The following PPP1R21 variants were observed in gnomAD, a reference collection of about 807,000 sequenced individuals.
PPP1R21 encodes the protein KLRAQ motif containing 1.
In PPP1R21, 85 loss-of-function variants were observed where a neutral mutation model predicts 112.8. The ratio of observed to expected loss-of-function variants is 0.75; its 90% confidence interval spans 0.63 to 0.90. The LOEUF (loss-of-function observed/expected upper bound fraction) is 0.90, where lower values mean the gene tolerates loss of function less well. Ranked by LOEUF, PPP1R21 falls within the 40% of genes least tolerant of loss-of-function variation. The pLI is 0.00. For synonymous variants in PPP1R21, 381 were observed against 322.3 expected (o/e 1.18, Z -1.95); for missense variants, 1,199 against 901.5 (o/e 1.33, Z -4.23).
rs527860389 is a variant in PPP1R21 at position 48,443,259 on chromosome 2, A to G, written c.57+2249A>G. ...TCTGAGGTGAGGGAACATGACTGCC[A>G]CTGACACAATGAGGGCCAGCGGGAA... On this transcript the variant is annotated intron_variant, in intron 1 of 21. Transcript: ENST00000294952. Among the ~76,000 whole-genome samples the G allele has an allele frequency of 5.9e-5, 9 of 152,326 alleles. No individual in the cohort carries two copies. In the South Asian group the frequency reaches 1.7e-3, roughly 28 times the overall value.
At chr2:48,489,205 TA>T (rs1468325100) in intron 14 of PPP1R21, among the ~76,000 whole-genome samples, 2 of 152,180 alleles carry the variant, frequency 1.3e-5, no homozygotes, top group Non-Finnish European at 2.9e-5. Flanking sequence ...CTTTTCTGGC[TA>T]AAGCATTTAG....
At chr2:48,477,418 A>G (rs1668807818) in intron 12 of PPP1R21, among the ~76,000 whole-genome samples, 1 of 151,988 alleles carries the variant, frequency 6.6e-6, no homozygotes, top group Non-Finnish European at 1.5e-5. Context: ...ACCACACCCA[A>G]CCTCATTTTA....
intron 2 of PPP1R21, 115 bp from the exon 3 acceptor site, chr2:48,454,480 T>G: frequency 7.6e-7 from 1 of 1,311,862 alleles, no homozygotes; most frequent in East Asian, 2.5e-5. Context: ...ACAACCTGAA[T>G]TTCCTAAAGC....
Position 48,498,633 on chromosome 2 carries a change from G to A in PPP1R21, c.1833G>A (p.Gln611=). 1 of 1,614,264 alleles carries A rather than the reference G, an allele frequency of 6.2e-7. No individual in the cohort carries two copies. The highest frequency in any genetic ancestry group is 8.5e-7 in the Non-Finnish European group (1 of 1,180,042). The change falls in exon 17 of 22, where the codon CAG becomes CAA. Residue 611 remains glutamine, a synonymous_variant. Transcript: ENST00000294952. ...ADKLKNTGSA[Q]LVGLAQENAA... Reference sequence around the variant, plus strand: ...AGCTGAAGAATACAGGTAGTGCCCAGCTGGTTGGGCTGGCCCAGGAAAATG... The same window carrying A: ...AGCTGAAGAATACAGGTAGTGCCCAACTGGTTGGGCTGGCCCAGGAAAATG...
chr2:48,500,643 G>C (rs1670067663), intron 17 of PPP1R21, among the ~76,000 whole-genome samples: 1 of 152,168 alleles, frequency 6.6e-6, no homozygotes, highest in Non-Finnish European at 1.5e-5. Context: ...TGGGTGCGTG[G>C]CTTATGCCTG....
Position 48,471,323 on chromosome 2 carries a change from C to T in PPP1R21, c.1044C>T (p.Ser348=), listed in dbSNP as rs758579250. ...AAACTTTTTCAGAACACTTAACCTC[C>T]TACATATGTTTTCTTAGGAAGATTC... ...KLKTFSEHLT[S]YICFLRKILP... Residue 348 remains serine (S), a synonymous_variant, in exon 11 of 22, where the codon TCC becomes TCT. Transcript: ENST00000294952. The T allele has an allele frequency of 7.5e-6, 12 of 1,610,598 alleles. No individual in the cohort carries two copies. Among genetic ancestry groups the T allele is most frequent in the Non-Finnish European group, 9.3e-6 (11 of 1,178,976 alleles).
intron 1 of PPP1R21, among the ~76,000 whole-genome samples, chr2:48,449,344 A>G (rs901746334): frequency 2.0e-5 from 3 of 152,220 alleles, no homozygotes; most frequent in Admixed American, 2.0e-4. Flanking sequence ...GAATTTACCC[A>G]TTCTATAGAC....
In PPP1R21 at chr2:48,495,733, C is replaced by G. The variant is rs1370598755; in HGVS notation, c.1654C>G (p.Leu552Val). Residue 552 changes from leucine to valine, a missense_variant, in exon 16 of 22, where the codon CTC becomes GTC. Leu to Val is a conservative substitution (Grantham distance 32). Transcript: ENST00000294952. Reference protein sequence around the residue: ...EEALANRRILLSSTESREGLA... With the variant: ...EEALANRRILVSSTESREGLA... ...AGCACTGGCAAACCGCCGCATCCTT[C>G]TCAGCTCTACTGAAAGTCGAGAAGG... 6 of 1,611,952 alleles carry G rather than the reference C, an allele frequency of 3.7e-6. No individual in the cohort carries two copies. The highest frequency in any genetic ancestry group is 5.1e-6 in the Non-Finnish European group (6 of 1,178,094).
Position 48,474,810 on chromosome 2 carries a change from G to A in PPP1R21, c.1216G>A (p.Ala406Thr). 6.2e-7 allele frequency: 1 copy of A among 1,612,520 alleles called. No homozygotes were observed. Among genetic ancestry groups the A allele is most frequent in the East Asian group, 2.2e-5 (1 of 44,846 alleles). Reference protein sequence around the residue: ...EKLQTYIALLALPSTEPDGLL... With the variant: ...EKLQTYIALLTLPSTEPDGLL... ...GCTGCAGACTTACATAGCTCTTCTT[G>A]CCTTGCCAAGTAAGTATGTTTGTTG... The change falls in exon 12 of 22, where the codon GCC becomes ACC. Residue 406 changes from alanine to threonine, a missense_variant. Coordinates refer to ENST00000294952, the MANE Select transcript of PPP1R21 (RefSeq NM_001135629.3).
chr2:48,498,595 C>G lies in PPP1R21; in HGVS notation c.1795C>G (p.Arg599Gly), dbSNP rs1457572479. The change falls in exon 17 of 22, where the codon CGA (arginine) becomes GGA (glycine). Residue 599 changes from arginine to glycine, a missense_variant. Transcript: ENST00000294952. ...AATCAAGCTAGAGAAAGAAAACCAG[C>G]GAATTGCAGATAAGCTGAAGAATAC... is the stretch of plus-strand genomic sequence containing the variant. The part of the protein sequence containing the change: ...AKIKLEKENQ[R>G]IADKLKNTGS... 2 of 1,614,178 alleles carry G rather than the reference C, an allele frequency of 1.2e-6. No individual in the cohort carries two copies. Among genetic ancestry groups the G allele is most frequent in the South Asian group, 1.1e-5 (1 of 91,074 alleles).
chr2:48,447,493 G>T (rs190495216), intron 1 of PPP1R21, among the ~76,000 whole-genome samples: 6 of 152,262 alleles, frequency 3.9e-5, no homozygotes, highest in Admixed American at 3.9e-4. Context: ...AGACTTCAGG[G>T]CAGTTGTTTC....
chr2:48,507,535 T>G, intron 19 of PPP1R21, 150 bp downstream of exon 19: 3 of 1,220,884 alleles, frequency 2.5e-6, no homozygotes, highest in South Asian at 1.7e-5. Context: ...GCCCAGCTAA[T>G]TTTTTGTATT....
intron 13 of PPP1R21, among the ~76,000 whole-genome samples, chr2:48,481,866 C>T (rs959733919): frequency 2.6e-5 from 4 of 152,192 alleles, no homozygotes; most frequent in Admixed American, 2.0e-4. Flanking sequence ...TCCGCACTTG[C>T]CCTCACGTGA....
intron 6 of PPP1R21, 96 bp downstream of exon 6, chr2:48,460,249 T>A: frequency 1.6e-6 from 2 of 1,232,724 alleles, no homozygotes; most frequent in African/African-American, 1.5e-5. Flanking sequence ...TTGTCTTACA[T>A]TTAAAAGGAG....
At chr2:48,493,944 G>C (rs1216818922) in intron 15 of PPP1R21, among the ~76,000 whole-genome samples, 2 of 151,558 alleles carry the variant, frequency 1.3e-5, no homozygotes, top group East Asian at 3.9e-4. Context: ...TGTTGCAGCC[G>C]GGTGCAGTGG....
intron 9 of PPP1R21, among the ~76,000 whole-genome samples, chr2:48,469,254 A>G (rs1668348750): frequency 8.8e-6 from 1 of 113,506 alleles, no homozygotes; most frequent in Non-Finnish European, 1.8e-5. Context: ...ATATCAATAT[A>G]TTTGAATTGT....
chr2:48,514,667 T>A (rs1399961513), intron 21 of PPP1R21, 48 bp from the exon 22 acceptor site: 2 of 1,251,270 alleles, frequency 1.6e-6, no homozygotes, highest in African/African-American at 3.0e-5. Context: ...ATGTGAGTTA[T>A]TTTTTTTTAT....
intron 1 of PPP1R21, among the ~76,000 whole-genome samples, chr2:48,444,557 C>T (rs752160392): frequency 1.3e-5 from 2 of 152,214 alleles, no homozygotes; most frequent in East Asian, 1.9e-4. Flanking sequence ...TCTTGCCTGG[C>T]ACCGTGGTGT....
intron 16 of PPP1R21, among the ~76,000 whole-genome samples, chr2:48,496,550 C>T (rs1669845488): frequency 1.3e-5 from 2 of 151,486 alleles, no homozygotes; most frequent in Admixed American, 1.3e-4. Context: ...TTGCTGCAAC[C>T]TCTGCCTCCT....
Sources: gnomAD v4.1 joint callset for allele counts (sites outside exome capture counted in the v4.1 genomes callset) on GRCh38, gnomAD v4.1.1 for gene constraint, MANE v1.5 for transcripts, NCBI Gene and HGNC (gene_info 2026-07-23, HGNC 2026-07-21) for gene names.